Variants in DNM3 observed in about 807,000 individuals in gnomAD.
DNM3 encodes the protein dynamin-3.
DNM3 carries 47 observed loss-of-function variants against 101.6 expected under a neutral mutation model. The observed-to-expected ratio is 0.46, with a 90% CI of 0.37 to 0.59. The LOEUF is 0.59. Ranked by LOEUF, DNM3 falls within the 20% of genes least tolerant of loss-of-function variation. The probability of loss-of-function intolerance (pLI) is 0.00; values close to 1 mark genes in which losing one functional copy is unlikely to be tolerated. For missense variants in DNM3, 849 were observed against 1,085.7 expected, an observed-to-expected ratio of 0.78 and a Z score of 3.06; for synonymous variants, 385 against 387.9, an observed-to-expected ratio of 0.99 and a Z score of 0.09.
chr1:172,247,656 C>CTTATTTAT lies in DNM3; in HGVS notation c.1660-5886_1660-5879dup, dbSNP rs1553207716. On this transcript the variant is annotated intron_variant, in intron 14 of 20. Coordinates refer to ENST00000627582, the MANE Select transcript of DNM3 (RefSeq NM_015569.5). ...TCTCTTTATTACTCTATTATTATTT[C>CTTATTTAT]TTATTTATTTATTTATTTATTTATT... is the stretch of plus-strand genomic sequence containing the variant. 5.0e-3 allele frequency among the ~76,000 whole-genome samples: 678 copies of CTTATTTAT among 135,374 alleles called. 2 individuals carry two copies. Among genetic ancestry groups the CTTATTTAT allele is most frequent in the African/African-American group, 9.7e-3 (343 of 35,486 alleles). 88.8% of individuals were successfully genotyped at this position (135,374 alleles called of 152,430 possible). A position where few individuals can be genotyped will look rare whatever the true frequency, so the allele number is the denominator to read the frequency against.
intron 1 of DNM3, among the ~76,000 whole-genome samples, chr1:171,878,983 G>A (rs909459875): frequency 6.6e-6 from 1 of 152,112 alleles, no homozygotes; most frequent in African/African-American, 2.4e-5. Context: ...ATCCCCACAT[G>A]GAGTCCCCTA....
chr1:172,387,959 C>T lies in DNM3; in HGVS notation c.2285+600C>T, dbSNP rs371267222. ...AAAAAAAGGGAGGTTGTATGCCAGGCGCGGTGGCTCACGCCTGTATTCCCA... is the reference window on the plus strand; with the variant it reads ...AAAAAAAGGGAGGTTGTATGCCAGGTGCGGTGGCTCACGCCTGTATTCCCA... On this transcript the variant is annotated intron_variant, in intron 19 of 20. Transcript: ENST00000627582. Among the ~76,000 whole-genome samples, 6 of 152,004 alleles carry T rather than the reference C, an allele frequency of 3.9e-5. No individual in the cohort carries two copies. In the East Asian group the frequency reaches 5.8e-4, roughly 15 times the overall value.
intron 18 of DNM3, among the ~76,000 whole-genome samples, chr1:172,382,248 G>C (rs551006153): frequency 6.6e-6 from 1 of 152,280 alleles, no homozygotes; most frequent in East Asian, 1.9e-4. Context: ...AGTCAAAGCA[G>C]CAGAGTTTTG....
rs140327983 is a variant in DNM3, at chr1:172,379,794, TA to T, written c.2058+613del. Among the ~76,000 whole-genome samples, 1,236 of 152,154 alleles carry T rather than the reference TA, an allele frequency of 8.1e-3. 6 individuals carry two copies. The highest frequency in any genetic ancestry group is 0.013 in the Non-Finnish European group (871 of 67,950). ...TGGGTCTAAATAACCTTTTCAAGGT[TA>T]TTTATAGTAGTCAGAGTATGATACT... is the stretch of plus-strand genomic sequence containing the variant. On this transcript the variant is annotated intron_variant, in intron 18 of 20. Transcript: ENST00000627582.
intron 15 of DNM3, among the ~76,000 whole-genome samples, chr1:172,260,804 A>G (rs1273272488): frequency 6.6e-6 from 1 of 151,986 alleles, no homozygotes; most frequent in African/African-American, 2.4e-5. Flanking sequence ...TTTTACAGAT[A>G]TGTACAGTTG....
Position 171,882,763 on chromosome 1 carries a change from A to G in DNM3, c.162-38985A>G, listed in dbSNP as rs867421020. ...TTGAAGGGTATATGCCACTTGTTTT[A>G]TAGACCAATCCTTTATTTTGATTTG... On this transcript the variant is annotated intron_variant, in intron 1 of 20. Transcript: ENST00000627582. Among the ~76,000 whole-genome samples the G allele has an allele frequency of 2.0e-5, 3 of 152,168 alleles. No homozygotes were observed. In the South Asian group the frequency reaches 6.2e-4, roughly 32 times the overall value.
chr1:172,268,223 T>C (rs1027398911), intron 15 of DNM3, among the ~76,000 whole-genome samples: 5 of 151,732 alleles, frequency 3.3e-5, no homozygotes, highest in African/African-American at 1.2e-4. Flanking sequence ...AGATAAACCC[T>C]GTGCTTTCCC....
At chr1:171,957,578 G>A (rs1360794388) in intron 2 of DNM3, among the ~76,000 whole-genome samples, 1 of 152,102 alleles carries the variant, frequency 6.6e-6, no homozygotes, top group Non-Finnish European at 1.5e-5. Context: ...AAAACTGAAT[G>A]CTTTTAATAG....
chr1:171,933,674 C>G (rs1431528896), intron 2 of DNM3, among the ~76,000 whole-genome samples: 1 of 151,866 alleles, frequency 6.6e-6, no homozygotes, highest in Non-Finnish European at 1.5e-5. Flanking sequence ...GCTGCAACAG[C>G]AAGAAAGCTG....
intron 14 of DNM3, chr1:172,133,088 T>G: frequency 1.4e-6 from 2 of 1,440,034 alleles, no homozygotes; most frequent in Non-Finnish European, 1.8e-6. Flanking sequence ...ATTCCAGGCA[T>G]CTCAGCATTG....
At chr1:172,032,649 T>C (rs993090641) in intron 5 of DNM3, 149 bp downstream of exon 5, 7 of 492,364 alleles carry the variant, frequency 1.4e-5, no homozygotes, top group South Asian at 4.6e-5. Flanking sequence ...TAGTTATACT[T>C]TTCTGGAATG....
chr1:172,012,247 C>T (rs578233533), intron 4 of DNM3, among the ~76,000 whole-genome samples: 6 of 152,008 alleles, frequency 3.9e-5, no homozygotes, highest in East Asian at 1.9e-4. Flanking sequence ...CCCTTAGGGA[C>T]GTAGGGAGTT....
intron 4 of DNM3, among the ~76,000 whole-genome samples, chr1:171,991,694 T>C (rs2045641576): frequency 6.6e-6 from 1 of 152,094 alleles, no homozygotes. Flanking sequence ...TCATCCCTCC[T>C]AGGAGGTCAT....
At chr1:172,069,266 AC>A (rs1489182332) in intron 11 of DNM3, among the ~76,000 whole-genome samples, 1 of 152,172 alleles carries the variant, frequency 6.6e-6, no homozygotes, top group East Asian at 1.9e-4. Flanking sequence ...GAGGTTCTTA[AC>A]TTTTATTGGG....
At chr1:172,267,633 A>C (rs2148734162) in intron 15 of DNM3, among the ~76,000 whole-genome samples, 1 of 152,250 alleles carries the variant, frequency 6.6e-6, no homozygotes, top group South Asian at 2.1e-4. Flanking sequence ...TTATTCAAAA[A>C]TGCTTTGTAG....
rs186358518 is a variant in DNM3 at position 172,112,873 on chromosome 1, G to A, written c.1546-18302G>A. ...GAGACATCCATGTAAAGTGCACACT[G>A]CTTATAGTAAATATTCATTAAGGGT... is the stretch of plus-strand genomic sequence containing the variant. On this transcript the variant is annotated intron_variant, in intron 13 of 20. Transcript: ENST00000627582. Among the ~76,000 whole-genome samples, 5 of 152,296 alleles carry A rather than the reference G, an allele frequency of 3.3e-5. No homozygotes were observed. The East Asian group carries it at 9.6e-4, about 29-fold the overall frequency.
At chr1:172,215,418 T>C (rs764518188) in intron 14 of DNM3, among the ~76,000 whole-genome samples, 75 of 152,058 alleles carry the variant, frequency 4.9e-4, no homozygotes, top group Middle Eastern at 3.4e-3. Flanking sequence ...TGCTGGGAAA[T>C]AGAATGATTT....
intron 2 of DNM3, among the ~76,000 whole-genome samples, chr1:171,984,948 A>G (rs904602110): frequency 6.6e-6 from 1 of 152,238 alleles, no homozygotes; most frequent in African/African-American, 2.4e-5. Flanking sequence ...TCTTGATTCC[A>G]AGATAAAAGT....
chr1:171,983,874 C>T (rs1273257434), intron 2 of DNM3, among the ~76,000 whole-genome samples: 1 of 152,134 alleles, frequency 6.6e-6, no homozygotes, highest in Non-Finnish European at 1.5e-5. Context: ...AGTAGCAGTG[C>T]TTTTTCTCAA....
Sources: gnomAD v4.1 joint callset for allele counts (sites outside exome capture counted in the v4.1 genomes callset) on GRCh38, gnomAD v4.1.1 for gene constraint, MANE v1.5 for transcripts, NCBI Gene and HGNC (gene_info 2026-07-23, HGNC 2026-07-21) for gene names.